The following ARMC2 variants were observed in gnomAD, a reference collection of about 807,000 sequenced individuals.
ARMC2 encodes the protein armadillo repeat containing 2.
In ARMC2, 67 loss-of-function variants were observed where a neutral mutation model predicts 90.3. That is an observed-to-expected ratio of 0.74 (90% CI 0.61 to 0.91). ARMC2 has a LOEUF of 0.91. ARMC2 is among the 40% of genes least tolerant of loss of function. The pLI is 0.00. For synonymous variants in ARMC2, 393 were observed against 393.0 expected (o/e 1.00, Z 0.00); for missense variants, 920 against 1,030.9 (o/e 0.89, Z 1.47).
chr6:108,918,995 TAAGCAATGTAGAG>T (rs1774273976), intron 10 of ARMC2, among the ~76,000 whole-genome samples: 1 of 152,232 alleles, frequency 6.6e-6, no homozygotes, highest in Non-Finnish European at 1.5e-5. Flanking sequence ...CGGGCTTTGA[TAAGCAATGTAGAG>T]AAGAGCACCA....
chr6:108,932,516 C>CT lies in ARMC2; in HGVS notation c.1496+4310dup, dbSNP rs60000198. 1.8e-3 allele frequency among the ~76,000 whole-genome samples: 144 copies of CT among 77,892 alleles called. 14 individuals are homozygous for CT. The highest frequency in any genetic ancestry group is 7.6e-3 in the African/African-American group (129 of 17,012). 51.1% of individuals were successfully genotyped at this position (77,892 alleles called of 152,430 possible). Reference sequence around the variant, plus strand: ...TAAACAGTGAGTCTTTTCTCCATTGCTTTTTTTTTTTTTTTTTTTTTTTTT... The same window carrying CT: ...TAAACAGTGAGTCTTTTCTCCATTGCTTTTTTTTTTTTTTTTTTTTTTTTTT... On this transcript the variant is annotated intron_variant, in intron 11 of 17. Transcript: ENST00000392644.
the ARMC2 span, among the ~76,000 whole-genome samples, chr6:109,023,424 CTG>C: frequency 6.6e-6 from 1 of 152,318 alleles, no homozygotes; most frequent in African/African-American, 2.4e-5. Flanking sequence ...CTAACAGTGA[CTG>C]TTAACCTCCA....
the ARMC2 span, chr6:108,998,416 A>C: frequency 1.4e-6 from 2 of 1,459,720 alleles, no homozygotes; most frequent in Non-Finnish European, 9.4e-7. Context: ...CCACAGTCTT[A>C]ACAGGGTGGG....
chr6:108,977,286 G>C (rs1779000348), downstream of ARMC2, among the ~76,000 whole-genome samples: 1 of 151,818 alleles, frequency 6.6e-6, no homozygotes, highest in Non-Finnish European at 1.5e-5. Flanking sequence ...GGTTCTGTTT[G>C]TTATGGATTA....
intron 5 of ARMC2, 145 bp from the exon 6 acceptor site, chr6:108,894,322 C>T: frequency 1.5e-6 from 1 of 665,708 alleles, no homozygotes; most frequent in Non-Finnish European, 2.3e-6. Context: ...GCTATGATCA[C>T]AGCACCACTG....
At chr6:108,977,321 A>T (rs916338144), downstream of ARMC2, among the ~76,000 whole-genome samples, 1 of 152,188 alleles carries the variant, frequency 6.6e-6, no homozygotes, top group Non-Finnish European at 1.5e-5. Flanking sequence ...CGTATGTTGA[A>T]CCAGCCTTGC....
chr6:108,938,230 T>C (rs768252874), intron 12 of ARMC2, among the ~76,000 whole-genome samples: 10 of 152,264 alleles, frequency 6.6e-5, no homozygotes, highest in Non-Finnish European at 1.5e-4. Context: ...TCTGAAGCTT[T>C]GTGTTTGTTT....
At chr6:108,947,893 G>C (rs2128500732) in intron 12 of ARMC2, among the ~76,000 whole-genome samples, 1 of 151,254 alleles carries the variant, frequency 6.6e-6, no homozygotes, top group Non-Finnish European at 1.5e-5. Context: ...ACATAGTTAT[G>C]ATATGAATAT....
intron 8 of ARMC2, among the ~76,000 whole-genome samples, chr6:108,904,759 A>T (rs1237346278): frequency 6.6e-6 from 1 of 152,198 alleles, no homozygotes; most frequent in East Asian, 1.9e-4. Context: ...ACTGGAGATC[A>T]GTAGCAGATG....
At chr6:108,982,072 T>C in the ARMC2 span, among the ~76,000 whole-genome samples, 2 of 152,228 alleles carry the variant, frequency 1.3e-5, no homozygotes, top group South Asian at 4.1e-4. Flanking sequence ...CTCCATATCA[T>C]GGGTATTGTG....
Position 108,961,573 on chromosome 6 carries a change from A to T in ARMC2, c.1917A>T (p.Glu639Asp). The change falls in exon 14 of 18, where the codon GAA (glutamate) becomes GAT (aspartate). Residue 639 changes from glutamate (E) to aspartate (D), a missense_variant and splice_region_variant. By Grantham distance (45) the Glu-to-Asp change is conservative. Transcript: ENST00000392644. ...GIVGLLLTTL[E>D]YKSLDDCEEL... ...TCCCTTATCCTTACTTCATTTCAGA[A>T]TACAAGTCACTTGATGATTGTGAGG... 1 of 1,606,084 alleles carries T rather than the reference A, an allele frequency of 6.2e-7. No individual in the cohort carries two copies. Among genetic ancestry groups the T allele is most frequent in the Non-Finnish European group, 8.5e-7 (1 of 1,176,524 alleles).
the ARMC2 span, chr6:109,000,606 C>T: frequency 6.2e-7 from 1 of 1,611,946 alleles, no homozygotes; most frequent in South Asian, 1.1e-5. Flanking sequence ...CTTGGGGTCC[C>T]CACCAACATG....
chr6:108,911,038 G>T, intron 9 of ARMC2, 37 bp downstream of exon 9: 1 of 1,246,444 alleles, frequency 8.0e-7, no homozygotes. Context: ...AGCAAATGCT[G>T]TACTTGAGTA....
chr6:108,876,004 C>A (rs887587105), intron 4 of ARMC2, 139 bp from the exon 5 acceptor site: 2 of 753,740 alleles, frequency 2.7e-6, no homozygotes, highest in Non-Finnish European at 4.3e-6. Context: ...AAGGCTTTGG[C>A]CATAAAATTC....
chr6:108,866,088 TTGTC>T (rs923317947), intron 3 of ARMC2, among the ~76,000 whole-genome samples: 16 of 152,230 alleles, frequency 1.1e-4, no homozygotes, highest in African/African-American at 3.6e-4. Context: ...GCTGTTTACT[TTGTC>T]TGCATGATTG....
rs367783758 is a variant in ARMC2 at position 108,899,723 on chromosome 6, G to A, written c.778G>A (p.Ala260Thr). 6.3e-5 allele frequency: 101 copies of A among 1,613,468 alleles called. No homozygotes were observed. Among genetic ancestry groups the A allele is most frequent in the South Asian group, 1.6e-4 (15 of 91,014 alleles). Reference protein sequence around the residue: ...VPKADLQEEDAEIEVDEVFWN... With the variant: ...VPKADLQEEDTEIEVDEVFWN... Reference sequence around the variant, plus strand: ...AAAAGCTGACCTGCAAGAAGAGGACGCAGAAATAGAAGTAGACGAAGTCTT... The same window carrying A: ...AAAAGCTGACCTGCAAGAAGAGGACACAGAAATAGAAGTAGACGAAGTCTT... The change falls in exon 7 of 18, where the codon GCA (alanine) becomes ACA (threonine). Residue 260 changes from alanine to threonine, a missense_variant. Physicochemically the swap from Ala to Thr is moderately conservative, Grantham distance 58 (BLOSUM62 0). Coordinates refer to ENST00000392644, the MANE Select transcript of ARMC2 (RefSeq NM_032131.6).
chr6:108,895,610 A>T (rs1372449582), intron 6 of ARMC2, among the ~76,000 whole-genome samples: 1 of 152,220 alleles, frequency 6.6e-6, no homozygotes. Flanking sequence ...TCTAGAAATG[A>T]TACAAAATGT....
At chr6:108,995,791 G>GA in the ARMC2 span, among the ~76,000 whole-genome samples, 32 of 151,352 alleles carry the variant, frequency 2.1e-4, no homozygotes, top group East Asian at 2.3e-3. Context: ...CTCAAAAAGA[G>GA]AAAAAAAAGT....
At chr6:108,996,739 T>A in the ARMC2 span, among the ~76,000 whole-genome samples, 9 of 152,176 alleles carry the variant, frequency 5.9e-5, no homozygotes, top group Non-Finnish European at 1.2e-4. Flanking sequence ...GGTATGTCTT[T>A]ATTAGCAGCA....
Sources: allele counts gnomAD v4.1 joint callset (sites outside exome capture counted in the v4.1 genomes callset), GRCh38; gene constraint gnomAD v4.1.1; transcripts MANE v1.5; gene names NCBI Gene and HGNC (gene_info 2026-07-23, HGNC 2026-07-21).